C10orf67: variants seen among roughly 807,000 people sequenced by gnomAD.
The protein encoded by C10orf67 is uncharacterized protein C10orf67, mitochondrial.
Under a neutral mutation model 35.6 loss-of-function variants are expected in C10orf67, and 60 were observed. The ratio of observed to expected loss-of-function variants is 1.68; its 90% CI spans 1.37 to 2.09. The LOEUF (loss-of-function observed/expected upper bound fraction) is 2.09, where lower values mean the gene tolerates loss of function less well. Ranked by LOEUF, C10orf67 falls within the 30% of genes most tolerant of loss-of-function variation. The pLI is 0.00. For synonymous variants in C10orf67, 167 were observed against 115.8 expected, an observed-to-expected ratio of 1.44 and a Z score of -2.84; for missense variants, 474 against 330.2, an observed-to-expected ratio of 1.44 and a Z score of -3.38.
intron 12 of C10orf67, among the ~76,000 whole-genome samples, chr10:23,241,829 A>G (rs1168838712): frequency 6.6e-6 from 1 of 152,164 alleles, no homozygotes; most frequent in Admixed American, 6.5e-5. Context: ...AACTATACCT[A>G]GGGACATCAT....
At position 23,204,128 on chromosome 10, in the gene C10orf67, C is replaced by T. The variant is rs1564451697; in HGVS notation, c.*45G>A. The T allele has an allele frequency of 8.4e-6, 4 of 477,186 alleles. No homozygotes were observed. Among genetic ancestry groups the T allele is most frequent in the East Asian group, 3.4e-5 (1 of 29,086 alleles). The allele number at this position is 477,186 out of a possible 1,614,324, so 29.6% of individuals were successfully genotyped here. A position where few individuals can be genotyped will look rare whatever the true frequency, so the allele number is the denominator to read the frequency against. ...GCACCTTACACCAGGACGGCGAGGCCACTCTTTCTGAGGCCCCGTCTGCGC... is the reference window on the plus strand; with the variant it reads ...GCACCTTACACCAGGACGGCGAGGCTACTCTTTCTGAGGCCCCGTCTGCGC... On this transcript the variant is annotated 3_prime_UTR_variant, in exon 16 of 16. Coordinates refer to ENST00000636213, the MANE Select transcript of C10orf67 (RefSeq NM_001371909.1).
chr10:23,318,435 A>C (rs761983954), intron 4 of C10orf67: 1 of 155,412 alleles, frequency 6.4e-6, no homozygotes, highest in Non-Finnish European at 1.4e-5. Context: ...GACAATGTAG[A>C]GGGGAAACAT....
intron 5 of C10orf67, among the ~76,000 whole-genome samples, chr10:23,301,430 G>A (rs933584371): frequency 6.6e-5 from 10 of 152,144 alleles, no homozygotes; most frequent in Non-Finnish European, 8.8e-5. Flanking sequence ...ACAGGTGCCC[G>A]GTATTTTCCT....
intron 12 of C10orf67, among the ~76,000 whole-genome samples, chr10:23,240,272 T>C (rs952111411): frequency 6.6e-6 from 1 of 152,144 alleles, no homozygotes; most frequent in Non-Finnish European, 1.5e-5. Flanking sequence ...ATAGAAGTAA[T>C]GGCAATGATC....
chr10:23,254,324 C>A (rs1842542437), intron 10 of C10orf67, among the ~76,000 whole-genome samples: 1 of 152,150 alleles, frequency 6.6e-6, no homozygotes. Context: ...TCTCCTGCCT[C>A]AACTTCCCGA....
At chr10:23,260,954 A>C (rs371400404) in intron 10 of C10orf67, among the ~76,000 whole-genome samples, 1 of 152,342 alleles carries the variant, frequency 6.6e-6, no homozygotes, top group East Asian at 1.9e-4. Context: ...GAAATCTTAT[A>C]AATTGTAATT....
At chr10:23,325,440 T>A in intron 2 of C10orf67, among the ~76,000 whole-genome samples, 1 of 140,224 alleles carries the variant, frequency 7.1e-6, no homozygotes, top group African/African-American at 2.7e-5. Flanking sequence ...ATAGCCCAGC[T>A]AGAGATAATA....
chr10:23,268,371 T>C (rs1842937640), intron 8 of C10orf67, among the ~76,000 whole-genome samples: 1 of 152,220 alleles, frequency 6.6e-6, no homozygotes, highest in Admixed American at 6.5e-5. Flanking sequence ...CATGTTTCCA[T>C]AATATTAAGA....
chr10:23,230,060 A>G (rs1841865565), intron 13 of C10orf67, among the ~76,000 whole-genome samples: 1 of 152,144 alleles, frequency 6.6e-6, no homozygotes, highest in African/African-American at 2.4e-5. Context: ...CTCTTGCAAA[A>G]CAGGGCATGA....
intron 10 of C10orf67, among the ~76,000 whole-genome samples, chr10:23,254,665 A>G (rs1469455917): frequency 1.3e-5 from 2 of 152,176 alleles, no homozygotes; most frequent in South Asian, 2.1e-4. Flanking sequence ...CACTTATATC[A>G]TATTTTTAAA....
chr10:23,242,930 TAAATA>T (rs1185605323), intron 12 of C10orf67, among the ~76,000 whole-genome samples: 1 of 152,026 alleles, frequency 6.6e-6, no homozygotes, highest in African/African-American at 2.4e-5. Context: ...GTATGACAAT[TAAATA>T]AAATAAAACT....
intron 10 of C10orf67, among the ~76,000 whole-genome samples, chr10:23,260,005 G>T (rs1842705048): frequency 6.6e-6 from 1 of 152,054 alleles, no homozygotes; most frequent in South Asian, 2.1e-4. Flanking sequence ...GTTAATAAAA[G>T]ATATCAAACT....
At chr10:23,229,785 AG>A (rs1476035518) in intron 13 of C10orf67, among the ~76,000 whole-genome samples, 1 of 152,164 alleles carries the variant, frequency 6.6e-6, no homozygotes, top group Non-Finnish European at 1.5e-5. Flanking sequence ...ATCTAAAAAA[AG>A]GTACTTTCAA....
At chr10:23,205,156 C>G (rs1841124800) in intron 15 of C10orf67, among the ~76,000 whole-genome samples, 1 of 152,168 alleles carries the variant, frequency 6.6e-6, no homozygotes, top group Non-Finnish European at 1.5e-5. Context: ...CTATCTGGGT[C>G]AAGTCTTTTC....
intron 4 of C10orf67, among the ~76,000 whole-genome samples, chr10:23,304,602 A>G (rs992594970): frequency 6.6e-6 from 1 of 151,892 alleles, no homozygotes; most frequent in Non-Finnish European, 1.5e-5. Flanking sequence ...ACACCTTTCT[A>G]TGTCTCTGGA....
chr10:23,281,949 ACTTT>A, intron 8 of C10orf67, 60 bp downstream of exon 8: 1 of 527,392 alleles, frequency 1.9e-6, no homozygotes, highest in Non-Finnish European at 3.4e-6. Context: ...AGTTTATAAA[ACTTT>A]CATGGTTAAA....
At chr10:23,222,233 T>C (rs2132104675) in intron 15 of C10orf67, among the ~76,000 whole-genome samples, 1 of 152,318 alleles carries the variant, frequency 6.6e-6, no homozygotes, top group South Asian at 2.1e-4. Flanking sequence ...ATGTGTCATG[T>C]GGCCATCAAA....
At chr10:23,205,153 G>T (rs1056535308) in intron 15 of C10orf67, among the ~76,000 whole-genome samples, 1 of 152,192 alleles carries the variant, frequency 6.6e-6, no homozygotes. Context: ...AGCCTATCTG[G>T]GTCAAGTCTT....
In C10orf67 at chr10:23,333,993, T is replaced by C. The variant is rs180817546; in HGVS notation, c.207-811A>G. Among the ~76,000 whole-genome samples, 32 of 152,262 alleles carry C rather than the reference T, an allele frequency of 2.1e-4. No homozygotes were observed. The South Asian group carries it at 4.8e-3, about 23-fold the overall frequency. On this transcript the variant is annotated intron_variant, in intron 1 of 15. Transcript: ENST00000636213. The stretch of plus-strand genomic sequence containing the variant: ...AAAATAAAATAAAATAAATAAAACA[T>C]GGTATTTCTATTAACACATACCTGA...
Sources: allele counts gnomAD v4.1 joint callset (sites outside exome capture counted in the v4.1 genomes callset), GRCh38; gene constraint gnomAD v4.1.1; transcripts MANE v1.5; gene names NCBI Gene and HGNC (gene_info 2026-07-23, HGNC 2026-07-21).